Variants in USP31 observed in about 807,000 individuals in gnomAD.
USP31 encodes the protein ubiquitin carboxyl-terminal hydrolase 31.
USP31 carries 44 observed loss-of-function variants against 119.4 expected under a neutral mutation model. That is an observed-to-expected ratio of 0.37 (90% CI 0.29 to 0.47). The LOEUF is 0.47. Ranked by LOEUF, USP31 falls within the 20% of genes least tolerant of loss-of-function variation. USP31 has a pLI of 0.99. For missense variants in USP31, 1,643 were observed against 1,730.2 expected (o/e 0.95, Z 0.89); for synonymous variants, 749 against 705.6 (o/e 1.06, Z -0.97).
At chr16:23,136,125 T>C (rs1406913474) in intron 1 of USP31, among the ~76,000 whole-genome samples, 1 of 152,320 alleles carries the variant, frequency 6.6e-6, no homozygotes, top group Non-Finnish European at 1.5e-5. Flanking sequence ...AACCAGGGTA[T>C]AGTCCTGGGA....
intron 1 of USP31, among the ~76,000 whole-genome samples, chr16:23,124,454 G>A (rs17797149): frequency 0.028 from 4,269 of 152,262 alleles, 83 homozygotes; most frequent in Middle Eastern, 0.048. Context: ...ATTCAACGAC[G>A]ATACAATGGC....
chr16:23,076,504 G>A (rs1900582056), intron 13 of USP31, among the ~76,000 whole-genome samples: 1 of 152,040 alleles, frequency 6.6e-6, no homozygotes, highest in Non-Finnish European at 1.5e-5. Flanking sequence ...CCTCTTCCTG[G>A]CTCACTAACA....
Position 23,144,421 on chromosome 16 carries a change from A to G in USP31, c.633+4217T>C, listed in dbSNP as rs567373650. Among the ~76,000 whole-genome samples the G allele has an allele frequency of 2.0e-5, 3 of 152,214 alleles. No individual in the cohort carries two copies. The East Asian group carries it at 5.8e-4, about 29-fold the overall frequency. On this transcript the variant is annotated intron_variant, in intron 1 of 15. Coordinates refer to ENST00000219689, the MANE Select transcript of USP31 (RefSeq NM_020718.4). ...GAATGAAATAACGATGTCCACCCCA[A>G]GCAGGCGAAGCACAGTGAGGTATGC...
intron 1 of USP31, among the ~76,000 whole-genome samples, chr16:23,123,978 G>A (rs911369881): frequency 7.9e-5 from 12 of 151,712 alleles, no homozygotes; most frequent in African/African-American, 2.4e-4. Context: ...CAGCCTGGGA[G>A]ACAGAGTGAG....
At chr16:23,078,537 C>G (rs77496781) in intron 13 of USP31, among the ~76,000 whole-genome samples, 7,864 of 152,148 alleles carry the variant, frequency 0.052, 307 homozygotes, top group Non-Finnish European at 0.072. Flanking sequence ...CCCTCCAGCA[C>G]GCTCTGGCCA....
chr16:23,132,402 G>A (rs1234054180), intron 1 of USP31, among the ~76,000 whole-genome samples: 2 of 150,148 alleles, frequency 1.3e-5, no homozygotes, highest in African/African-American at 4.9e-5. Flanking sequence ...AAACAGCTGT[G>A]GGGACTACAC....
chr16:23,121,417 CTAGCAAAG>C (rs1368470007), intron 1 of USP31, among the ~76,000 whole-genome samples: 4 of 152,212 alleles, frequency 2.6e-5, no homozygotes, highest in Non-Finnish European at 4.4e-5. Context: ...CAGTCTTCTC[CTAGCAAAG>C]TACAATTTAG....
chr16:23,118,609 G>A (rs1018320452), intron 1 of USP31, among the ~76,000 whole-genome samples: 3 of 152,086 alleles, frequency 2.0e-5, no homozygotes, highest in South Asian at 2.1e-4. Flanking sequence ...CTTACATTAC[G>A]TTTTATTCAT....
intron 1 of USP31, among the ~76,000 whole-genome samples, chr16:23,135,513 C>T (rs1903162359): frequency 6.6e-6 from 1 of 151,760 alleles, no homozygotes; most frequent in South Asian, 2.1e-4. Flanking sequence ...AATCAACATG[C>T]AAAAATCAAT....
At chr16:23,121,149 C>A (rs1055768629) in intron 1 of USP31, among the ~76,000 whole-genome samples, 5 of 152,184 alleles carry the variant, frequency 3.3e-5, no homozygotes, top group African/African-American at 4.8e-5. Context: ...GCAGATCCAG[C>A]AAGTTTCACT....
chr16:23,106,489 TA>T lies in USP31; in HGVS notation c.772-3del, dbSNP rs137886921. The T allele has an allele frequency of 6.8e-3, 8,530 of 1,250,822 alleles. 1 individual carries two copies. The highest frequency in any genetic ancestry group is 0.018 in the Admixed American group (770 of 43,918). The allele number at this position is 1,250,822 out of a possible 1,614,324, so 77.5% of individuals were successfully genotyped here. A position where few individuals can be genotyped will look rare whatever the true frequency, so the allele number is the denominator to read the frequency against. The stretch of plus-strand genomic sequence containing the variant: ...CATCATATCAGTCTCTGATGGTGGC[TA>T]AAAAAAAAAGAAAGTACAACTTCAC... On this transcript the variant is annotated splice_polypyrimidine_tract_variant and splice_region_variant and intron_variant, in intron 2 of 15. Coordinates refer to ENST00000219689, the MANE Select transcript of USP31 (RefSeq NM_020718.4).
rs943993102 is a variant in USP31, at chr16:23,066,343, C to G, written c.*1703G>C. 1 of 152,364 alleles carries G rather than the reference C, an allele frequency of 6.6e-6. No homozygotes were observed. The highest frequency in any genetic ancestry group is 1.9e-4 in the East Asian group (1 of 5,188). The allele number at this position is 152,364 out of a possible 1,614,324, so 9.4% of individuals were successfully genotyped here. On this transcript the variant is annotated 3_prime_UTR_variant, in exon 16 of 16. Coordinates refer to ENST00000219689, the MANE Select transcript of USP31 (RefSeq NM_020718.4). ...CAGACTTGCAAGTTACCGGCTAATGCGCAAATTAGCAGCAAAATAAAGTTA... is the reference window on the plus strand; with the variant it reads ...CAGACTTGCAAGTTACCGGCTAATGGGCAAATTAGCAGCAAAATAAAGTTA...
At chr16:23,124,627 C>T (rs1902787786) in intron 1 of USP31, among the ~76,000 whole-genome samples, 1 of 152,202 alleles carries the variant, frequency 6.6e-6, no homozygotes, top group Admixed American at 6.5e-5. Context: ...GGCATGGTGG[C>T]TCATGCCTGT....
intron 1 of USP31, among the ~76,000 whole-genome samples, chr16:23,114,452 GAAAAAA>G (rs917531470): frequency 1.1e-5 from 1 of 89,998 alleles, no homozygotes; most frequent in African/African-American, 4.2e-5. Context: ...GAAAAAATAG[GAAAAAA>G]AAAAAAAAAA....
chr16:23,149,091 C>A lies in USP31; in HGVS notation c.180G>T (p.Ser60=), dbSNP rs895356887. ...SSPSSPSSAR[S]VGSFMSRVLK... is the part of the protein sequence containing the mutation. ...GAACGCGGCTCATGAAGCTGCCCAC[C>A]GAGCGTGCAGAGGAGGGCGAGGAGG... The change falls in exon 1 of 16, where the codon TCG becomes TCT. Residue 60 remains serine (S), a synonymous_variant. Coordinates refer to ENST00000219689, the MANE Select transcript of USP31 (RefSeq NM_020718.4). 2.6e-5 allele frequency: 33 copies of A among 1,277,796 alleles called. No individual in the cohort carries two copies. Among genetic ancestry groups the A allele is most frequent in the Non-Finnish European group, 2.9e-5 (29 of 988,768 alleles). The allele number at this position is 1,277,796 out of a possible 1,614,324, so 79.2% of individuals were successfully genotyped here. A position where few individuals can be genotyped will look rare whatever the true frequency, so the allele number is the denominator to read the frequency against.
chr16:23,143,593 G>GA (rs1211277157), intron 1 of USP31, among the ~76,000 whole-genome samples: 2 of 150,840 alleles, frequency 1.3e-5, no homozygotes, highest in Admixed American at 1.3e-4. Flanking sequence ...GTTGGGGGGG[G>GA]GGAGAGAGAG....
chr16:23,088,490 C>T (rs1901212318), intron 7 of USP31, among the ~76,000 whole-genome samples: 1 of 152,188 alleles, frequency 6.6e-6, no homozygotes, highest in South Asian at 2.1e-4. Context: ...TTCTAATATG[C>T]AGCCAATGTT....
chr16:23,132,793 C>T (rs1903069350), intron 1 of USP31, among the ~76,000 whole-genome samples: 1 of 152,100 alleles, frequency 6.6e-6, no homozygotes, highest in African/African-American at 2.4e-5. Context: ...GAAACTTATC[C>T]ACCCACCTCC....
chr16:23,093,562 C>T (rs553118875), intron 6 of USP31, among the ~76,000 whole-genome samples: 1 of 152,308 alleles, frequency 6.6e-6, no homozygotes, highest in Admixed American at 6.5e-5. Flanking sequence ...GAAATTAGAA[C>T]TCTCATCTAT....
Sources: gnomAD v4.1 joint callset for allele counts (sites outside exome capture counted in the v4.1 genomes callset) on GRCh38, gnomAD v4.1.1 for gene constraint, MANE v1.5 for transcripts, NCBI Gene and HGNC (gene_info 2026-07-23, HGNC 2026-07-21) for gene names.